The following PTPRD variants were observed in gnomAD, a reference collection of about 807,000 sequenced individuals.
PTPRD encodes the protein protein tyrosine phosphatase receptor type D, also known as receptor-type tyrosine-protein phosphatase delta.
In PTPRD, 34 loss-of-function variants were observed where a neutral mutation model predicts 214.5. The observed-to-expected ratio is 0.16, with a 90% CI of 0.12 to 0.21. The LOEUF (loss-of-function observed/expected upper bound fraction) is 0.21. Among genes scored for constraint, PTPRD ranks in the 10% least tolerant of loss-of-function variants. The probability of loss-of-function intolerance (pLI) is 1.00; values close to 1 mark genes in which losing one functional copy is unlikely to be tolerated. For synonymous variants in PTPRD, 1,128 were observed against 845.7 expected (o/e 1.33, Z -5.79); for missense variants, 2,545 against 2,398.7 (o/e 1.06, Z -1.27).
At chr9:9,311,937 A>T (rs1442970169) in intron 9 of PTPRD, among the ~76,000 whole-genome samples, 1 of 152,214 alleles carries the variant, frequency 6.6e-6, no homozygotes, top group Non-Finnish European at 1.5e-5. Context: ...TACCAGTGTC[A>T]ATAATAGGTT....
intron 11 of PTPRD, among the ~76,000 whole-genome samples, chr9:8,748,054 T>A (rs115637820): frequency 6.4e-4 from 97 of 152,294 alleles, no homozygotes; most frequent in African/African-American, 2.1e-3. Context: ...CATGCTCCGA[T>A]GTTAACGACA....
intron 7 of PTPRD, among the ~76,000 whole-genome samples, chr9:9,732,008 T>C (rs2098203855): frequency 6.6e-6 from 1 of 152,090 alleles, no homozygotes; most frequent in South Asian, 2.1e-4. Context: ...CTTTGTCATC[T>C]TAAAAACAAA....
At chr9:8,913,071 A>G (rs1338749691) in intron 11 of PTPRD, among the ~76,000 whole-genome samples, 2 of 152,148 alleles carry the variant, frequency 1.3e-5, no homozygotes, top group African/African-American at 4.8e-5. Context: ...GAAGTTCAAT[A>G]ATATCACCTT....
intron 9 of PTPRD, among the ~76,000 whole-genome samples, chr9:9,188,552 C>G (rs965095542): frequency 2.0e-5 from 3 of 151,906 alleles, no homozygotes; most frequent in African/African-American, 7.3e-5. Flanking sequence ...AAAGTCTAAG[C>G]TTGGTTAGTG....
chr9:8,547,638 A>AT (rs758240779), intron 14 of PTPRD, among the ~76,000 whole-genome samples: 1 of 142,750 alleles, frequency 7.0e-6, no homozygotes, highest in African/African-American at 2.7e-5. Context: ...GTGGAATCCT[A>AT]TTTAAAAAAA....
At chr9:8,854,467 A>G (rs1384439713) in intron 11 of PTPRD, among the ~76,000 whole-genome samples, 1 of 152,218 alleles carries the variant, frequency 6.6e-6, no homozygotes, top group Non-Finnish European at 1.5e-5. Flanking sequence ...GAATTGTCCA[A>G]TGGTTTGATA....
intron 4 of PTPRD, among the ~76,000 whole-genome samples, chr9:9,963,589 A>T (rs1045774848): frequency 2.0e-5 from 3 of 152,164 alleles, no homozygotes; most frequent in Admixed American, 6.5e-5. Context: ...TTATTGTCAT[A>T]AAAAAGGCAG....
At chr9:9,945,066 G>A (rs2092355453) in intron 4 of PTPRD, among the ~76,000 whole-genome samples, 3 of 152,008 alleles carry the variant, frequency 2.0e-5, no homozygotes. Flanking sequence ...GATTTGATGT[G>A]GTATGTTAAA....
At chr9:9,084,694 A>C (rs994225286) in intron 10 of PTPRD, among the ~76,000 whole-genome samples, 1 of 152,028 alleles carries the variant, frequency 6.6e-6, no homozygotes, top group Non-Finnish European at 1.5e-5. Context: ...TGGTAGTAAA[A>C]ATATACTCCA....
At chr9:10,316,168 T>C (rs201259763) in intron 3 of PTPRD, among the ~76,000 whole-genome samples, 1 of 134,434 alleles carries the variant, frequency 7.4e-6, no homozygotes, top group African/African-American at 3.0e-5. Flanking sequence ...TATATCTATG[T>C]ATATATACAT....
At chr9:9,927,940 T>C (rs1268405457) in intron 5 of PTPRD, among the ~76,000 whole-genome samples, 2 of 151,960 alleles carry the variant, frequency 1.3e-5, no homozygotes, top group African/African-American at 4.8e-5. Flanking sequence ...TTACTACATA[T>C]TGTTTGGAAG....
chr9:10,105,624 G>T (rs922455836), intron 3 of PTPRD, among the ~76,000 whole-genome samples: 1 of 151,746 alleles, frequency 6.6e-6, no homozygotes, highest in Non-Finnish European at 1.5e-5. Flanking sequence ...CACTCCCTCT[G>T]CCAACCTGAA....
chr9:9,448,916 A>T (rs899033310), intron 8 of PTPRD, among the ~76,000 whole-genome samples: 2 of 152,086 alleles, frequency 1.3e-5, no homozygotes, highest in African/African-American at 4.8e-5. Flanking sequence ...GAAGCCAGTG[A>T]AAAAAGAGAA....
At chr9:8,810,647 G>T (rs1566253008) in intron 11 of PTPRD, among the ~76,000 whole-genome samples, 1 of 152,168 alleles carries the variant, frequency 6.6e-6, no homozygotes, top group Non-Finnish European at 1.5e-5. Context: ...GAGAAGTAGA[G>T]ATCTGAATTT....
At chr9:8,863,450 T>G (rs1216140812) in intron 11 of PTPRD, among the ~76,000 whole-genome samples, 1 of 152,214 alleles carries the variant, frequency 6.6e-6, no homozygotes, top group Non-Finnish European at 1.5e-5. Context: ...TCCTATTTCT[T>G]TTTTGTTGCA....
At position 9,647,175 on chromosome 9, in the gene PTPRD, C is replaced by T. The variant is rs570876620; in HGVS notation, c.-286-72394G>A. 2.7e-5 allele frequency among the ~76,000 whole-genome samples: 4 copies of T among 148,430 alleles called. No individual in the cohort carries two copies. The South Asian group carries it at 6.3e-4, about 23-fold the overall frequency. On this transcript the variant is annotated intron_variant, in intron 7 of 45. Coordinates refer to ENST00000381196, the MANE Select transcript of PTPRD (RefSeq NM_002839.4). ...TTTTAAATCTAATTATTGCATCTTTCCCCCCCCTCTTTCTAGTCATTCCAT... is the reference window on the plus strand; with the variant it reads ...TTTTAAATCTAATTATTGCATCTTTTCCCCCCCTCTTTCTAGTCATTCCAT...
At chr9:10,139,780 G>C (rs559954141) in intron 3 of PTPRD, among the ~76,000 whole-genome samples, 2 of 152,056 alleles carry the variant, frequency 1.3e-5, no homozygotes, top group East Asian at 3.9e-4. Flanking sequence ...ACAAAAATAA[G>C]GAATGGGGCA....
At chr9:8,590,491 G>C (rs1594725703) in intron 14 of PTPRD, among the ~76,000 whole-genome samples, 1 of 152,082 alleles carries the variant, frequency 6.6e-6, no homozygotes, top group African/African-American at 2.4e-5. Flanking sequence ...ATGGGTGATA[G>C]GATTATCAAG....
intron 2 of PTPRD, among the ~76,000 whole-genome samples, chr9:10,398,603 C>A (rs2098216619): frequency 6.6e-6 from 1 of 151,850 alleles, no homozygotes; most frequent in Non-Finnish European, 1.5e-5. Flanking sequence ...AAATGAAAAA[C>A]ATTTTCTTCC....
Sources: gnomAD v4.1 joint callset for allele counts (sites outside exome capture counted in the v4.1 genomes callset) on GRCh38, gnomAD v4.1.1 for gene constraint, MANE v1.5 for transcripts, NCBI Gene and HGNC (gene_info 2026-07-23, HGNC 2026-07-21) for gene names.